IRAK1BP1: variants seen among roughly 807,000 people sequenced by gnomAD.
IRAK1BP1 encodes the protein interleukin-1 receptor-associated kinase 1-binding protein 1.
A neutral mutation model predicts 28.0 loss-of-function variants in IRAK1BP1; 24 were observed. That is an observed-to-expected ratio of 0.86 (90% CI 0.62 to 1.20). The LOEUF (loss-of-function observed/expected upper bound fraction) is 1.20, where lower values mean the gene tolerates loss of function less well. Ranked by LOEUF, IRAK1BP1 falls within the 50% of genes most tolerant of loss-of-function variation. The probability of loss-of-function intolerance (pLI) is 0.00; values close to 1 mark genes in which losing one functional copy is unlikely to be tolerated. For missense variants in IRAK1BP1, 336 were observed against 316.7 expected (o/e 1.06, Z -0.46); for synonymous variants, 131 against 116.3 (o/e 1.13, Z -0.81).
chr6:78,868,607 G>GA (rs929667201), intron 1 of IRAK1BP1, among the ~76,000 whole-genome samples: 1 of 151,814 alleles, frequency 6.6e-6, no homozygotes, highest in South Asian at 2.1e-4. Context: ...CCTAAGGCAA[G>GA]AAAAAAAATG....
rs140867421 is a variant in IRAK1BP1 at position 78,909,117 on chromosome 6, G to A, written c.*67+6007G>A. Among the ~76,000 whole-genome samples, 97 of 152,290 alleles carry A rather than the reference G, an allele frequency of 6.4e-4. 1 individual carries two copies. The South Asian group carries it at 8.1e-3, about 13-fold the overall frequency. ...AGGAAAACTAATGATTTAAGATGGC[G>A]AAGCAAGCAAATACAGATGATCCTA... is the stretch of plus-strand genomic sequence containing the variant. On this transcript the variant is annotated intron_variant and NMD_transcript_variant, in intron 4 of 4. Coordinates refer to the IRAK1BP1 transcript ENST00000606868.
chr6:78,942,064 A>G (rs1270009135), intron 4 of IRAK1BP1, among the ~76,000 whole-genome samples: 4 of 152,198 alleles, frequency 2.6e-5, no homozygotes, highest in Admixed American at 2.6e-4. Flanking sequence ...TTTTTATTTG[A>G]TATGGTAGGT....
rs369164262 is a variant in IRAK1BP1 at position 78,898,097 on chromosome 6, G to C, written c.546G>C (p.Ala182=). 1.9e-5 allele frequency: 31 copies of C among 1,612,572 alleles called. No individual in the cohort carries two copies. The highest frequency in any genetic ancestry group is 2.5e-5 in the Non-Finnish European group (30 of 1,179,390). The change falls in exon 4 of 4, where the codon GCG becomes GCC. Residue 182 remains alanine (A), a synonymous_variant. Coordinates refer to ENST00000369940, the MANE Select transcript of IRAK1BP1 (RefSeq NM_001010844.4). The part of the protein sequence containing the change: ...RQACLVAVEN[A]WRKAQEVCNL... ...CCTGTCTTGTTGCTGTTGAGAATGC[G>C]TGGCGCAAAGCTCAAGAAGTCTGTA...
rs1026026503 is a variant in IRAK1BP1, at chr6:78,927,027, G to A, written c.*68-18381G>A. Among the ~76,000 whole-genome samples the A allele has an allele frequency of 3.3e-5, 5 of 152,124 alleles. No individual in the cohort carries two copies. The East Asian group carries it at 9.7e-4, about 29-fold the overall frequency. Reference sequence around the variant, plus strand: ...AAACATGGAAGTTCAGGTATCTCTTGGATATACTGATTTCCTTTTTTTTTT... The same window carrying A: ...AAACATGGAAGTTCAGGTATCTCTTAGATATACTGATTTCCTTTTTTTTTT... On this transcript the variant is annotated intron_variant and NMD_transcript_variant, in intron 4 of 4. Transcript: ENST00000606868.
the IRAK1BP1 span, among the ~76,000 whole-genome samples, chr6:78,961,112 A>T: frequency 2.0e-5 from 3 of 152,092 alleles, no homozygotes; most frequent in African/African-American, 7.2e-5. Flanking sequence ...GATTAAAGAC[A>T]TTCATCAAAA....
At chr6:78,897,333 C>A (rs1771923860) in intron 2 of IRAK1BP1, among the ~76,000 whole-genome samples, 2 of 150,966 alleles carry the variant, frequency 1.3e-5, no homozygotes, top group South Asian at 2.1e-4. Flanking sequence ...TAAAGTATTG[C>A]CGAATATAAG....
chr6:78,870,472 A>G (rs1037980343), intron 1 of IRAK1BP1, among the ~76,000 whole-genome samples: 3 of 152,018 alleles, frequency 2.0e-5, no homozygotes, highest in African/African-American at 4.8e-5. Flanking sequence ...TGGTCCATAC[A>G]CTTCACATAA....
downstream of IRAK1BP1, among the ~76,000 whole-genome samples, chr6:78,904,731 A>G (rs116571611): frequency 5.2e-3 from 791 of 152,332 alleles, 11 homozygotes; most frequent in African/African-American, 0.018. Context: ...GAAATTGTTT[A>G]GTTTGTACCA....
intron 1 of IRAK1BP1, among the ~76,000 whole-genome samples, chr6:78,876,593 C>T (rs1305815043): frequency 6.6e-6 from 1 of 152,118 alleles, no homozygotes; most frequent in Non-Finnish European, 1.5e-5. Flanking sequence ...TTGGATAACT[C>T]GTTGTTGTTG....
At chr6:78,969,242 C>T in the IRAK1BP1 span, among the ~76,000 whole-genome samples, 19 of 152,304 alleles carry the variant, frequency 1.2e-4, no homozygotes, top group African/African-American at 4.3e-4. Context: ...GAAGGACAGA[C>T]TGGTATATCA....
chr6:78,947,238 T>C (rs937535740), downstream of IRAK1BP1, among the ~76,000 whole-genome samples: 5 of 152,208 alleles, frequency 3.3e-5, no homozygotes, highest in Admixed American at 2.0e-4. Context: ...TTCGTTGCTA[T>C]ATAGCACTCC....
At chr6:78,885,249 C>G in intron 1 of IRAK1BP1, 129 bp from the exon 2 acceptor site, 1 of 555,276 alleles carries the variant, frequency 1.8e-6, no homozygotes, top group Non-Finnish European at 3.2e-6. Flanking sequence ...AGTTTTAAAA[C>G]ATCAGGCAAA....
chr6:78,977,861 T>C, the IRAK1BP1 span, among the ~76,000 whole-genome samples: 2 of 152,164 alleles, frequency 1.3e-5, no homozygotes, highest in African/African-American at 4.8e-5. Context: ...AAGTTTTTGT[T>C]TTCTTTTTTT....
At chr6:78,904,527 A>G (rs1384717103), downstream of IRAK1BP1, among the ~76,000 whole-genome samples, 1 of 152,248 alleles carries the variant, frequency 6.6e-6, no homozygotes, top group Non-Finnish European at 1.5e-5. Flanking sequence ...TCGCACGGGC[A>G]TTAATTTTAC....
At chr6:78,909,322 A>G (rs1269759183) in intron 4 of IRAK1BP1, among the ~76,000 whole-genome samples, 3 of 152,212 alleles carry the variant, frequency 2.0e-5, no homozygotes, top group African/African-American at 7.2e-5. Context: ...CATTGAGTTT[A>G]TCCAGACATA....
At chr6:78,881,914 A>G (rs962449658) in intron 1 of IRAK1BP1, among the ~76,000 whole-genome samples, 1 of 152,138 alleles carries the variant, frequency 6.6e-6, no homozygotes, top group African/African-American at 2.4e-5. Flanking sequence ...TCAGGATTAG[A>G]GTTGAAAACA....
At chr6:78,876,250 C>T (rs138618676) in intron 1 of IRAK1BP1, among the ~76,000 whole-genome samples, 8 of 152,284 alleles carry the variant, frequency 5.3e-5, no homozygotes, top group Non-Finnish European at 1.0e-4. Context: ...GTAAGACGTG[C>T]CTTGCTTCCC....
At chr6:78,972,571 A>G in the IRAK1BP1 span, among the ~76,000 whole-genome samples, 2 of 152,196 alleles carry the variant, frequency 1.3e-5, no homozygotes, top group African/African-American at 2.4e-5. Context: ...CAGACGATCA[A>G]ATTACTCTGA....
the IRAK1BP1 span, among the ~76,000 whole-genome samples, chr6:78,973,178 C>A: frequency 1.3e-5 from 2 of 152,240 alleles, no homozygotes; most frequent in African/African-American, 4.8e-5. Flanking sequence ...CAGCGGATCT[C>A]TCAGCAGAAA....
Sources: gnomAD v4.1 joint callset for allele counts (sites outside exome capture counted in the v4.1 genomes callset) on GRCh38, gnomAD v4.1.1 for gene constraint, MANE v1.5 for transcripts, NCBI Gene and HGNC (gene_info 2026-07-23, HGNC 2026-07-21) for gene names.